The following TENM2 variants were observed in gnomAD, a reference collection of about 807,000 sequenced individuals.
The protein encoded by TENM2 is teneurin-2.
TENM2 carries 52 observed loss-of-function variants against 245.2 expected under a neutral mutation model. The ratio of observed to expected loss-of-function variants is 0.21; its 90% confidence interval spans 0.17 to 0.27. The LOEUF (loss-of-function observed/expected upper bound fraction) is 0.27, where lower values mean the gene tolerates loss of function less well. Among genes scored for constraint, TENM2 ranks in the 10% least tolerant of loss-of-function variants. The pLI, the probability that TENM2 is intolerant of heterozygous loss-of-function variation, is 1.00. For missense variants in TENM2, 3,046 were observed against 3,666.8 expected (o/e 0.83, Z 4.37); for synonymous variants, 1,363 against 1,438.9 (o/e 0.95, Z 1.19).
At chr5:167,099,179 GT>G in the TENM2 span, among the ~76,000 whole-genome samples, 2 of 152,096 alleles carry the variant, frequency 1.3e-5, no homozygotes, top group Non-Finnish European at 1.5e-5. Flanking sequence ...TAGCCTCTCA[GT>G]TTTTAATCTT....
At chr5:168,003,254 A>G (rs1390675175) in intron 5 of TENM2, among the ~76,000 whole-genome samples, 2 of 151,866 alleles carry the variant, frequency 1.3e-5, no homozygotes, top group Admixed American at 1.3e-4. Context: ...GTTTTAATCA[A>G]ATGATGACAT....
At chr5:167,715,442 G>A (rs1001074857) in intron 2 of TENM2, among the ~76,000 whole-genome samples, 3 of 152,150 alleles carry the variant, frequency 2.0e-5, no homozygotes, top group Non-Finnish European at 4.4e-5. Flanking sequence ...ATGACAACCC[G>A]TTAATCCAAA....
chr5:167,980,244 A>G (rs925544323), intron 4 of TENM2, among the ~76,000 whole-genome samples: 3 of 152,130 alleles, frequency 2.0e-5, no homozygotes, highest in African/African-American at 7.2e-5. Flanking sequence ...GGTGAGGGAA[A>G]TGGGCCTTTG....
At chr5:167,460,749 G>A (rs1766246606) in intron 2 of TENM2, among the ~76,000 whole-genome samples, 1 of 152,032 alleles carries the variant, frequency 6.6e-6, no homozygotes, top group South Asian at 2.1e-4. Flanking sequence ...ACTGAAAAAT[G>A]TGCTTTAAAA....
chr5:167,951,837 C>T (rs376371609), intron 3 of TENM2, among the ~76,000 whole-genome samples: 12 of 151,074 alleles, frequency 7.9e-5, no homozygotes, highest in African/African-American at 1.2e-4. Context: ...CACATACATA[C>T]GCAAATATGT....
chr5:167,721,231 T>A (rs1290960680), intron 2 of TENM2: 2 of 152,116 alleles, frequency 1.3e-5, no homozygotes, highest in Non-Finnish European at 2.9e-5. Flanking sequence ...AAACAGGTTT[T>A]AAAAAACGTA....
intron 3 of TENM2, among the ~76,000 whole-genome samples, chr5:167,932,114 G>T (rs914435317): frequency 6.6e-6 from 1 of 152,212 alleles, no homozygotes; most frequent in Non-Finnish European, 1.5e-5. Context: ...GGTGCAGGAG[G>T]GGGAGAGAGT....
chr5:167,741,849 T>C (rs1761197434), intron 2 of TENM2, among the ~76,000 whole-genome samples: 2 of 152,106 alleles, frequency 1.3e-5, no homozygotes, highest in South Asian at 2.1e-4. Context: ...CCTCATGCAT[T>C]CGGCACCTGT....
chr5:168,195,201 G>C (rs1348196803), exon 15 of TENM2: 6 of 1,606,726 alleles, frequency 3.7e-6, no homozygotes, highest in Non-Finnish European at 5.1e-6. Context: ...CCGAGGCCAA[G>C]TAGTAACTAC....
chr5:167,957,542 T>C (rs1043389178), intron 4 of TENM2, among the ~76,000 whole-genome samples: 1 of 152,322 alleles, frequency 6.6e-6, no homozygotes, highest in African/African-American at 2.4e-5. Context: ...CTCTTGCTTC[T>C]CTAGTTCTTT....
chr5:168,143,843 C>CTTTT (rs70976464), intron 12 of TENM2, among the ~76,000 whole-genome samples: 1,057 of 102,438 alleles, frequency 0.01, 8 homozygotes, highest in Non-Finnish European at 0.012. Flanking sequence ...TACTACACTT[C>CTTTT]TTTTTTTTTT....
intron 2 of TENM2, among the ~76,000 whole-genome samples, chr5:167,639,919 G>C (rs1437738335): frequency 6.6e-6 from 1 of 152,160 alleles, no homozygotes; most frequent in Non-Finnish European, 1.5e-5. Flanking sequence ...TCAGCTGTCT[G>C]ATCTACCACT....
chr5:167,378,495 T>G (rs1052355938), intron 2 of TENM2, among the ~76,000 whole-genome samples: 1 of 151,678 alleles, frequency 6.6e-6, no homozygotes, highest in Non-Finnish European at 1.5e-5. Context: ...TATATAAAAC[T>G]CTCAGATTCA....
chr5:168,229,703 G>C (rs947912618), intron 25 of TENM2: 3 of 152,312 alleles, frequency 2.0e-5, no homozygotes, highest in African/African-American at 7.2e-5. Flanking sequence ...AATCCAGCCA[G>C]CCCAGGTGAC....
At chr5:168,157,128 G>T (rs1034022246) in intron 12 of TENM2, among the ~76,000 whole-genome samples, 1 of 152,200 alleles carries the variant, frequency 6.6e-6, no homozygotes, top group Non-Finnish European at 1.5e-5. Flanking sequence ...GCCATGACTG[G>T]TGCTGCTGGC....
intron 2 of TENM2, among the ~76,000 whole-genome samples, chr5:167,825,279 T>A (rs1210032537): frequency 6.6e-6 from 1 of 151,920 alleles, no homozygotes; most frequent in Non-Finnish European, 1.5e-5. Context: ...GTGCGTGTAG[T>A]ACATGGGTTT....
At chr5:167,242,982 G>T in the TENM2 span, among the ~76,000 whole-genome samples, 1 of 151,756 alleles carries the variant, frequency 6.6e-6, no homozygotes, top group Non-Finnish European at 1.5e-5. Context: ...GATTCTGTGC[G>T]TATGTAAATG....
the TENM2 span, among the ~76,000 whole-genome samples, chr5:167,155,081 G>A: frequency 6.6e-6 from 1 of 152,138 alleles, no homozygotes. Flanking sequence ...GACAAAATTC[G>A]TTGTGTAATG....
At chr5:167,400,218 A>G (rs999756911) in intron 2 of TENM2, among the ~76,000 whole-genome samples, 1 of 152,124 alleles carries the variant, frequency 6.6e-6, no homozygotes, top group Admixed American at 6.6e-5. Flanking sequence ...TAGAATGCCA[A>G]GAGTTGATAA....
Sources: gnomAD v4.1 joint callset for allele counts (sites outside exome capture counted in the v4.1 genomes callset) on GRCh38, gnomAD v4.1.1 for gene constraint, MANE v1.5 for transcripts, NCBI Gene and HGNC (gene_info 2026-07-23, HGNC 2026-07-21) for gene names.